The following TPRG1 variants were observed in gnomAD, a reference collection of about 807,000 sequenced individuals.
TPRG1 encodes the protein tumor protein p63-regulated gene 1 protein.
A neutral mutation model predicts 29.3 loss-of-function variants in TPRG1; 29 were observed. That is an observed-to-expected ratio of 0.99 (90% CI 0.74 to 1.35). The LOEUF (loss-of-function observed/expected upper bound fraction) is 1.35. Ranked by LOEUF, TPRG1 falls within the 40% of genes most tolerant of loss-of-function variation. The pLI is 0.00. For synonymous variants in TPRG1, 130 were observed against 116.8 expected (o/e 1.11, Z -0.73); for missense variants, 327 against 335.0 (o/e 0.98, Z 0.19).
At chr3:189,163,155 C>T (rs1302432179) in intron 5 of TPRG1, among the ~76,000 whole-genome samples, 3 of 152,104 alleles carry the variant, frequency 2.0e-5, no homozygotes, top group Non-Finnish European at 2.9e-5. Context: ...TGCCTGTAAT[C>T]CCAGCTACTT....
At chr3:189,051,576 C>T (rs991769096) in intron 4 of TPRG1, among the ~76,000 whole-genome samples, 9 of 151,898 alleles carry the variant, frequency 5.9e-5, no homozygotes, top group Non-Finnish European at 1.0e-4. Flanking sequence ...TCTTTCTTCA[C>T]AGAATTAGAA....
intron 4 of TPRG1, among the ~76,000 whole-genome samples, chr3:189,244,172 G>A (rs141641987): frequency 0.02 from 2,973 of 152,278 alleles, 38 homozygotes; most frequent in Non-Finnish European, 0.031. Context: ...GCTCACACCT[G>A]TAATCCCAGC....
At chr3:188,998,041 A>G (rs966677837) in intron 1 of TPRG1, among the ~76,000 whole-genome samples, 1 of 152,192 alleles carries the variant, frequency 6.6e-6, no homozygotes, top group Non-Finnish European at 1.5e-5. Flanking sequence ...ATTAAAAAAC[A>G]TACAAAGTTC....
intron 3 of TPRG1, among the ~76,000 whole-genome samples, chr3:189,139,361 G>A (rs1724211163): frequency 6.6e-6 from 1 of 152,116 alleles, no homozygotes; most frequent in African/African-American, 2.4e-5. Context: ...CCCTGGACTG[G>A]GGGCCAGGAT....
intron 1 of TPRG1, among the ~76,000 whole-genome samples, chr3:189,206,505 T>C (rs1200067196): frequency 2.7e-5 from 4 of 148,292 alleles, no homozygotes; most frequent in Non-Finnish European, 6.0e-5. Context: ...ACAAACTTTT[T>C]TTTTTTTTTT....
intron 1 of TPRG1, among the ~76,000 whole-genome samples, chr3:189,186,137 CT>C (rs1730882318): frequency 6.6e-6 from 1 of 152,070 alleles, no homozygotes; most frequent in South Asian, 2.1e-4. Context: ...AAGATAAAAT[CT>C]TTGTTCTATG....
At chr3:189,285,670 TTCTC>T (rs1717938764) in intron 4 of TPRG1, among the ~76,000 whole-genome samples, 1 of 152,212 alleles carries the variant, frequency 6.6e-6, no homozygotes, top group African/African-American at 2.4e-5. Flanking sequence ...CATAATTTCT[TTCTC>T]AGAGTAATTC....
chr3:189,152,335 C>T (rs1726041543), intron 5 of TPRG1, among the ~76,000 whole-genome samples: 2 of 152,190 alleles, frequency 1.3e-5, no homozygotes, highest in African/African-American at 4.8e-5. Context: ...GCCATGGGCA[C>T]TTCCTAGTCC....
At chr3:189,021,041 C>G (rs1713274033) in intron 3 of TPRG1, among the ~76,000 whole-genome samples, 4 of 149,430 alleles carry the variant, frequency 2.7e-5, no homozygotes, top group Admixed American at 2.0e-4. Context: ...TTGTCAGAGA[C>G]TAGGATTGCA....
intron 4 of TPRG1, among the ~76,000 whole-genome samples, chr3:189,078,150 T>G (rs918689634): frequency 6.8e-6 from 1 of 147,192 alleles, no homozygotes; most frequent in African/African-American, 2.6e-5. Flanking sequence ...TTCTTTTTTT[T>G]TTTTTAGATG....
At chr3:189,251,790 A>T (rs1579044654) in intron 4 of TPRG1, among the ~76,000 whole-genome samples, 1 of 151,924 alleles carries the variant, frequency 6.6e-6, no homozygotes, top group Admixed American at 6.6e-5. Context: ...TAGATGGAAC[A>T]TACAATCGGG....
chr3:189,033,368 G>A (rs944445311), intron 4 of TPRG1, among the ~76,000 whole-genome samples: 2 of 151,110 alleles, frequency 1.3e-5, no homozygotes, highest in Non-Finnish European at 2.9e-5. Context: ...TGCAACTTCT[G>A]CCTCTCAGGC....
chr3:189,303,920 C>T (rs17422816), intron 4 of TPRG1, among the ~76,000 whole-genome samples: 41,068 of 151,958 alleles, frequency 0.27, 6,112 homozygotes, highest in Middle Eastern at 0.35. Context: ...TGGGAGATTC[C>T]GTGACCATTT....
chr3:189,231,256 C>T (rs955475139), intron 3 of TPRG1, among the ~76,000 whole-genome samples: 13 of 114,630 alleles, frequency 1.1e-4, no homozygotes, highest in Non-Finnish European at 2.0e-4. Context: ...CATACAAACA[C>T]CTATAAAACA....
chr3:189,136,725 T>C (rs993474561), intron 3 of TPRG1, among the ~76,000 whole-genome samples: 5 of 152,196 alleles, frequency 3.3e-5, no homozygotes, highest in African/African-American at 1.2e-4. Context: ...TTGAAATATA[T>C]TTGCCAAAGT....
chr3:189,194,632 G>A (rs1674519054), intron 1 of TPRG1, among the ~76,000 whole-genome samples: 1 of 152,162 alleles, frequency 6.6e-6, no homozygotes, highest in Admixed American at 6.5e-5. Flanking sequence ...ACATCTGTGG[G>A]GAAAAGGGAG....
At chr3:189,279,856 C>T (rs927450596) in intron 4 of TPRG1, among the ~76,000 whole-genome samples, 1 of 152,108 alleles carries the variant, frequency 6.6e-6, no homozygotes, top group African/African-American at 2.4e-5. Flanking sequence ...GAGGTAATTC[C>T]TTCTCTAATA....
intron 1 of TPRG1, among the ~76,000 whole-genome samples, chr3:189,123,081 T>C (rs1219498059): frequency 6.6e-6 from 1 of 152,212 alleles, no homozygotes; most frequent in Non-Finnish European, 1.5e-5. Context: ...GTGGTGTTTT[T>C]CTCTACATCT....
At chr3:189,230,261 AAT>A (rs1392346584) in intron 3 of TPRG1, among the ~76,000 whole-genome samples, 3 of 152,134 alleles carry the variant, frequency 2.0e-5, no homozygotes, top group Non-Finnish European at 4.4e-5. Flanking sequence ...CTGTAAGGAA[AAT>A]AAGTGGGAAA....
Sources: gnomAD v4.1 joint callset for allele counts (sites outside exome capture counted in the v4.1 genomes callset) on GRCh38, gnomAD v4.1.1 for gene constraint, MANE v1.5 for transcripts, NCBI Gene and HGNC (gene_info 2026-07-23, HGNC 2026-07-21) for gene names.